Variants in RABEP1 observed in about 807,000 individuals in gnomAD.
RABEP1 encodes rabaptin, RAB GTPase binding effector protein 1, also known as rab GTPase-binding effector protein 1.
Under a neutral mutation model 123.4 loss-of-function variants are expected in RABEP1, and 51 were observed. That is an observed-to-expected ratio of 0.41 (90% CI 0.33 to 0.52). RABEP1 has a LOEUF of 0.52. Ranked by LOEUF, RABEP1 falls within the 20% of genes least tolerant of loss-of-function variation. RABEP1 has a pLI of 0.16. For missense variants in RABEP1, 888 were observed against 996.3 expected (o/e 0.89, Z 1.46); for synonymous variants, 347 against 355.2 (o/e 0.98, Z 0.26).
In RABEP1 at chr17:5,335,270, A is replaced by G; in HGVS notation, c.454A>G (p.Arg152Gly). Reference sequence around the variant, plus strand: ...GGCACAGTATAGAGAATCCGCAGAGAGGGAAATAGCTGATTTAAGAAGAAG... The same window carrying G: ...GGCACAGTATAGAGAATCCGCAGAGGGGGAAATAGCTGATTTAAGAAGAAG... ...QWAQYRESAE[R>G]EIADLRRRLS... is the part of the protein sequence containing the mutation. The change falls in exon 4 of 18, where the codon AGG becomes GGG. Residue 152 changes from arginine to glycine, a missense_variant. Transcript: ENST00000537505. 6.2e-7 allele frequency: 1 copy of G among 1,614,052 alleles called. No homozygotes were observed. The highest frequency in any genetic ancestry group is 8.5e-7 in the Non-Finnish European group (1 of 1,179,924).
chr17:5,282,580 G>T (rs2144411887), intron 1 of RABEP1, 60 bp downstream of exon 1: 1 of 1,089,516 alleles, frequency 9.2e-7, no homozygotes, highest in South Asian at 4.5e-5. Flanking sequence ...GGCGTCGCGG[G>T]AGGATTTCGG....
intron 16 of RABEP1, 106 bp downstream of exon 16, chr17:5,380,568 T>A (rs58558800): frequency 9.9e-7 from 1 of 1,011,330 alleles, no homozygotes; most frequent in Non-Finnish European, 1.5e-6. Flanking sequence ...TGTCACCTTT[T>A]AAAAAGTTGG....
intron 4 of RABEP1, among the ~76,000 whole-genome samples, chr17:5,337,737 G>A (rs1360958762): frequency 6.6e-6 from 1 of 151,864 alleles, no homozygotes; most frequent in Non-Finnish European, 1.5e-5. Context: ...TTTATATATG[G>A]GATATTTTCT....
At chr17:5,293,464 T>TC (rs1479749764) in intron 1 of RABEP1, among the ~76,000 whole-genome samples, 1 of 152,152 alleles carries the variant, frequency 6.6e-6, no homozygotes, top group Admixed American at 6.6e-5. Context: ...AGGGTCTCTC[T>TC]CCATCACCCA....
At chr17:5,293,673 C>A (rs771079553) in intron 1 of RABEP1, among the ~76,000 whole-genome samples, 7 of 152,122 alleles carry the variant, frequency 4.6e-5, no homozygotes, top group Non-Finnish European at 8.8e-5. Context: ...TCCCAAAGTT[C>A]TTTGATTACA....
chr17:5,361,369 C>T lies in RABEP1; in HGVS notation c.1257C>T (p.Ser419=), dbSNP rs1469156196. 3.7e-6 allele frequency: 6 copies of T among 1,613,994 alleles called. No individual in the cohort carries two copies. Among genetic ancestry groups the T allele is most frequent in the Non-Finnish European group, 4.2e-6 (5 of 1,180,016 alleles). Residue 419 remains serine (S), a synonymous_variant, in exon 9 of 18, where the codon TCC becomes TCT. Transcript: ENST00000537505. ...DSLGTSGSLQ[S]KALGYNYKAK... The stretch of plus-strand genomic sequence containing the variant: ...TGGGAACCTCGGGCTCATTGCAATC[C>T]AAAGCTTTAGGCTATAACTACAAAG...
rs768751337 is a variant in RABEP1 at position 5,350,498 on chromosome 17, C to T, written c.832C>T (p.His278Tyr). The T allele has an allele frequency of 5.6e-6, 9 of 1,614,054 alleles. No individual in the cohort carries two copies. ...QERQQHNQLK[H>Y]TWQKANDQFL... ...GCGACAACAACACAACCAGTTAAAA[C>T]ATACGTGGCAGAAGGCCAATGACCA... The change falls in exon 7 of 18, where the codon CAT (histidine) becomes TAT (tyrosine). Residue 278 changes from histidine to tyrosine, a missense_variant. Physicochemically the swap from His to Tyr is moderately conservative, Grantham distance 83. Coordinates refer to ENST00000537505, the MANE Select transcript of RABEP1 (RefSeq NM_004703.6).
rs758157061 is a variant in RABEP1, at chr17:5,332,061, C to T, written c.276C>T (p.Ala92=). ...AGATGGAGAATATTAAGGCGATTGC[C>T]ACAGTCTCTGAGAACACCAAGCAAG... ...QAEMENIKAI[A]TVSENTKQEA... is the part of the protein sequence containing the mutation. Residue 92 remains alanine, a synonymous_variant, in exon 3 of 18, where the codon GCC becomes GCT. Transcript: ENST00000537505. 2 of 1,614,018 alleles carry T rather than the reference C, an allele frequency of 1.2e-6. No individual in the cohort carries two copies. Among genetic ancestry groups the T allele is most frequent in the East Asian group, 4.5e-5 (2 of 44,854 alleles).
intron 7 of RABEP1, among the ~76,000 whole-genome samples, chr17:5,352,982 A>G (rs1908691406): frequency 6.6e-6 from 1 of 152,232 alleles, no homozygotes; most frequent in Non-Finnish European, 1.5e-5. Context: ...AACTCTCCAT[A>G]AGCAGTAGGG....
chr17:5,374,207 C>T (rs1910787190), intron 13 of RABEP1, among the ~76,000 whole-genome samples: 1 of 150,102 alleles, frequency 6.7e-6, no homozygotes, highest in Admixed American at 6.6e-5. Flanking sequence ...GCTGGGATTA[C>T]AAGCGCCTGC....
chr17:5,357,281 G>GT (rs576173810), intron 8 of RABEP1, among the ~76,000 whole-genome samples: 93 of 152,292 alleles, frequency 6.1e-4, no homozygotes, highest in African/African-American at 2.1e-3. Flanking sequence ...ATCATTAAAT[G>GT]TTTTTCCCTG....
chr17:5,358,187 CATT>C (rs1306063571), intron 8 of RABEP1, among the ~76,000 whole-genome samples: 1 of 152,104 alleles, frequency 6.6e-6, no homozygotes, highest in African/African-American at 2.4e-5. Context: ...TAAATCAAAA[CATT>C]ATGAAATACA....
chr17:5,334,425 T>C (rs1271485929), intron 3 of RABEP1, among the ~76,000 whole-genome samples: 1 of 152,122 alleles, frequency 6.6e-6, no homozygotes, highest in African/African-American at 2.4e-5. Flanking sequence ...AGAGATGGGG[T>C]TTCACCTTGT....
At chr17:5,362,000 A>G (rs978851688) in intron 9 of RABEP1, 8 of 248,536 alleles carry the variant, frequency 3.2e-5, no homozygotes, top group Non-Finnish European at 5.5e-5. Flanking sequence ...TTTGCTTTGC[A>G]GTTTTCTATA....
intron 12 of RABEP1, among the ~76,000 whole-genome samples, chr17:5,369,948 G>C (rs942267032): frequency 6.6e-6 from 1 of 151,970 alleles, no homozygotes; most frequent in Non-Finnish European, 1.5e-5. Flanking sequence ...ATCCACCCGC[G>C]TTGGCCTCCC....
chr17:5,319,011 T>G (rs563276442), intron 2 of RABEP1, among the ~76,000 whole-genome samples: 1 of 152,284 alleles, frequency 6.6e-6, no homozygotes, highest in Admixed American at 6.5e-5. Flanking sequence ...TTGTACCCAA[T>G]ACATATATAC....
chr17:5,339,089 T>G (rs1567531953), intron 5 of RABEP1, among the ~76,000 whole-genome samples: 1 of 151,952 alleles, frequency 6.6e-6, no homozygotes, highest in Non-Finnish European at 1.5e-5. Flanking sequence ...CCCGGGAGTT[T>G]GAGACTACAG....
At chr17:5,371,858 T>A (rs1401957663) in intron 12 of RABEP1, among the ~76,000 whole-genome samples, 1 of 152,168 alleles carries the variant, frequency 6.6e-6, no homozygotes, top group Admixed American at 6.5e-5. Context: ...CATGAGCTTC[T>A]CCAGGGCAAA....
At chr17:5,346,619 C>T (rs1567535897) in intron 5 of RABEP1, among the ~76,000 whole-genome samples, 171 bp from the exon 6 acceptor site, 1 of 151,998 alleles carries the variant, frequency 6.6e-6, no homozygotes, top group Non-Finnish European at 1.5e-5. Flanking sequence ...AAGTTATTTT[C>T]CCAGTTTTCT....
Sources: allele counts gnomAD v4.1 joint callset (sites outside exome capture counted in the v4.1 genomes callset), GRCh38; gene constraint gnomAD v4.1.1; transcripts MANE v1.5; gene names NCBI Gene and HGNC (gene_info 2026-07-23, HGNC 2026-07-21).